The following PPP1R21 variants were observed in gnomAD, a reference collection of about 807,000 sequenced individuals.
The protein encoded by PPP1R21 is protein phosphatase 1 regulatory subunit 21.
Under a neutral mutation model 112.8 loss-of-function variants are expected in PPP1R21, and 85 were observed. That is an observed-to-expected ratio of 0.75 (90% CI 0.63 to 0.90). PPP1R21 has a LOEUF of 0.90. PPP1R21 is among the 40% of genes least tolerant of loss of function. PPP1R21 has a pLI of 0.00. For missense variants in PPP1R21, 1,199 were observed against 901.5 expected, an observed-to-expected ratio of 1.33 and a Z score of -4.23; for synonymous variants, 381 against 322.3, an observed-to-expected ratio of 1.18 and a Z score of -1.95.
intron 1 of PPP1R21, among the ~76,000 whole-genome samples, chr2:48,444,657 C>T (rs1248747725): frequency 6.6e-6 from 1 of 152,182 alleles, no homozygotes; most frequent in Non-Finnish European, 1.5e-5. Context: ...CCTGAAACAA[C>T]ATCATCTGGG....
chr2:48,494,757 G>A (rs1317192940), intron 15 of PPP1R21, among the ~76,000 whole-genome samples: 7 of 152,028 alleles, frequency 4.6e-5, no homozygotes, highest in Non-Finnish European at 1.0e-4. Flanking sequence ...TCACTCTGTC[G>A]CCCAGGCTGG....
Position 48,488,936 on chromosome 2 carries a change from C to T in PPP1R21, c.1447-2082C>T, listed in dbSNP as rs568023413. Among the ~76,000 whole-genome samples the T allele has an allele frequency of 2.6e-4, 40 of 152,212 alleles. 1 individual carries two copies. The highest frequency in any genetic ancestry group is 9.2e-4 in the African/African-American group (38 of 41,528). On this transcript the variant is annotated intron_variant, in intron 14 of 21. Coordinates refer to ENST00000294952, the MANE Select transcript of PPP1R21 (RefSeq NM_001135629.3). ...AACCTCACAATGTACTACCATGATC[C>T]AAATGCAAACACTGTGTGAATCCAT...
chr2:48,463,450 G>T (rs1668066920), intron 7 of PPP1R21, among the ~76,000 whole-genome samples: 1 of 152,184 alleles, frequency 6.6e-6, no homozygotes. Flanking sequence ...TCTGTGCAGG[G>T]TGTAGGTGGA....
At chr2:48,491,194 T>G in intron 15 of PPP1R21, 24 bp downstream of exon 15, 2 of 1,602,842 alleles carry the variant, frequency 1.2e-6, no homozygotes, top group Non-Finnish European at 1.7e-6. Flanking sequence ...TGTTAATATT[T>G]AAATCAGAGG....
chr2:48,497,746 G>A (rs569988135), intron 16 of PPP1R21, among the ~76,000 whole-genome samples: 16 of 151,552 alleles, frequency 1.1e-4, no homozygotes, highest in African/African-American at 3.4e-4. Context: ...CCGCCTCCTG[G>A]GTTCACGCCA....
chr2:48,446,637 G>C (rs1021988340), intron 1 of PPP1R21, among the ~76,000 whole-genome samples: 1 of 152,104 alleles, frequency 6.6e-6, no homozygotes, highest in African/African-American at 2.4e-5. Context: ...AATTTATTGA[G>C]TTCCTTCTCT....
intron 7 of PPP1R21, 149 bp downstream of exon 7, chr2:48,461,381 G>C: frequency 8.1e-7 from 1 of 1,240,492 alleles, no homozygotes; most frequent in Non-Finnish European, 1.0e-6. Context: ...ATCAGCCGTG[G>C]TAATCATATT....
intron 17 of PPP1R21, among the ~76,000 whole-genome samples, chr2:48,500,144 T>C (rs943862509): frequency 4.6e-5 from 7 of 152,170 alleles, no homozygotes; most frequent in Non-Finnish European, 1.0e-4. Context: ...TTAGGCCCTA[T>C]TGCATCTAAA....
intron 13 of PPP1R21, among the ~76,000 whole-genome samples, chr2:48,483,798 TG>T (rs879525655): frequency 2.6e-5 from 4 of 152,194 alleles, no homozygotes; most frequent in African/African-American, 4.8e-5. Flanking sequence ...ACCCTGAGTC[TG>T]GGAATGCCTC....
Position 48,495,702 on chromosome 2 carries a change from T to C in PPP1R21, c.1623T>C (p.Tyr541=), listed in dbSNP as rs1558505813. ...AGCCCCTCTTGGAGTCTGTGCCTTA[T>C]GAAGAAGCACTGGCAAACCGCCGCA... ...LRKPLLESVP[Y]EEALANRRIL... is the part of the protein sequence containing the mutation. Residue 541 remains tyrosine, a synonymous_variant, in exon 16 of 22, where the codon TAT becomes TAC. Transcript: ENST00000294952. The C allele has an allele frequency of 1.2e-6, 2 of 1,611,214 alleles. No homozygotes were observed. The highest frequency in any genetic ancestry group is 1.3e-5 in the African/African-American group (1 of 74,988).
At chr2:48,474,932 G>A (rs1231075386) in intron 12 of PPP1R21, 113 bp downstream of exon 12, 2 of 901,732 alleles carry the variant, frequency 2.2e-6, no homozygotes, top group Non-Finnish European at 3.3e-6. Context: ...TCTGGCATCA[G>A]GAAAACTTGA....
rs796793605 is a variant in PPP1R21 at position 48,506,863 on chromosome 2, G to A, written c.1969-406G>A. ...CAGGAGGCTGAGGCAGGAGAATGGC[G>A]TGAACCTGGGAGGCGGAGCTTGCAG... is the stretch of plus-strand genomic sequence containing the variant. On this transcript the variant is annotated intron_variant, in intron 18 of 21. Transcript: ENST00000294952. 1.1e-4 allele frequency among the ~76,000 whole-genome samples: 16 copies of A among 151,506 alleles called. 1 individual carries two copies. Among genetic ancestry groups the A allele is most frequent in the African/African-American group, 3.1e-4 (13 of 41,288 alleles).
chr2:48,465,770 T>C, intron 9 of PPP1R21, 128 bp downstream of exon 9: 1 of 696,128 alleles, frequency 1.4e-6, no homozygotes, highest in East Asian at 3.0e-5. Flanking sequence ...AAAGCATAGT[T>C]TTTACTCTCA....
In PPP1R21 at chr2:48,461,242, A is replaced by T. The variant is rs769205869; in HGVS notation, c.694+10A>T. 4 of 1,539,878 alleles carry T rather than the reference A, an allele frequency of 2.6e-6. No homozygotes were observed. The highest frequency in any genetic ancestry group is 3.5e-6 in the Non-Finnish European group (4 of 1,151,876). ...CCTTTTAATGATACAAGTAGGTATT[A>T]TGTACAGTTTTCCATTATTTGTAAC... On this transcript the variant is annotated intron_variant, in intron 7 of 21. Transcript: ENST00000294952.
intron 18 of PPP1R21, 178 bp from the exon 19 acceptor site, chr2:48,507,091 T>C: frequency 1.2e-6 from 1 of 823,584 alleles, no homozygotes; most frequent in African/African-American, 1.8e-5. Flanking sequence ...ATAAAAGAAA[T>C]TTGGAATATA....
chr2:48,477,515 T>C (rs1478199507), intron 12 of PPP1R21, among the ~76,000 whole-genome samples: 2 of 152,216 alleles, frequency 1.3e-5, no homozygotes, highest in Non-Finnish European at 2.9e-5. Context: ...ATGGTCTGGG[T>C]ACCCTTGTGG....
intron 1 of PPP1R21, among the ~76,000 whole-genome samples, chr2:48,448,835 T>C (rs1667359916): frequency 6.6e-6 from 1 of 152,210 alleles, no homozygotes; most frequent in South Asian, 2.1e-4. Flanking sequence ...ACAGTAAATA[T>C]TTTAGGCTTG....
At position 48,469,535 on chromosome 2, in the gene PPP1R21, T is replaced by TAG. The variant is rs1286076900; in HGVS notation, c.898-1549_898-1548dup. Reference sequence around the variant, plus strand: ...ATATATATATATATATATATATATATAGAGCATATATATATATAGAGAGAG... The same window carrying TAG: ...ATATATATATATATATATATATATATAGAGAGCATATATATATATAGAGAGAG... On this transcript the variant is annotated intron_variant, in intron 9 of 21. Coordinates refer to ENST00000294952, the MANE Select transcript of PPP1R21 (RefSeq NM_001135629.3). Among the ~76,000 whole-genome samples, 40 of 73,224 alleles carry TAG rather than the reference T, an allele frequency of 5.5e-4. 6 individuals are homozygous for TAG. The highest frequency in any genetic ancestry group is 2.5e-3 in the East Asian group (8 of 3,162). 48.0% of individuals were successfully genotyped at this position (73,224 alleles called of 152,430 possible). A position where few individuals can be genotyped will look rare whatever the true frequency, so the allele number is the denominator to read the frequency against.
chr2:48,493,354 C>G (rs1037422670), intron 15 of PPP1R21, among the ~76,000 whole-genome samples: 7 of 152,110 alleles, frequency 4.6e-5, no homozygotes, highest in African/African-American at 1.4e-4. Context: ...AGAGCTGTCT[C>G]TGTATTAAGA....
Sources: allele counts gnomAD v4.1 joint callset (sites outside exome capture counted in the v4.1 genomes callset), GRCh38; gene constraint gnomAD v4.1.1; transcripts MANE v1.5; gene names NCBI Gene and HGNC (gene_info 2026-07-23, HGNC 2026-07-21).